Variants in GPN3 observed in about 807,000 individuals in gnomAD.
The protein encoded by GPN3 is GPN-loop GTPase 3, also known as ATP-binding domain 1 family member C.
A neutral mutation model predicts 38.7 loss-of-function variants in GPN3; 31 were observed. The observed-to-expected ratio is 0.80, with a 90% confidence interval of 0.60 to 1.08. The LOEUF is 1.08. GPN3 is among the 50% of genes least tolerant of loss of function. The probability of loss-of-function intolerance (pLI) is 0.00; values close to 1 mark genes in which losing one functional copy is unlikely to be tolerated. For synonymous variants in GPN3, 116 were observed against 120.2 expected (o/e 0.96, Z 0.23); for missense variants, 301 against 354.4 (o/e 0.85, Z 1.21).
At position 110,463,606 on chromosome 12, in the gene GPN3, C is replaced by CAA. The variant is rs60072879; in HGVS notation, c.157+1498_157+1499dup. ...GCAGCATGGTGAAACCCTGTCTCTACAAAAAAAAAAAAAAAAAAAAAAAAA... is the reference window on the plus strand; with the variant it reads ...GCAGCATGGTGAAACCCTGTCTCTACAAAAAAAAAAAAAAAAAAAAAAAAAAA... On this transcript the variant is annotated intron_variant, in intron 2 of 7. Coordinates refer to ENST00000228827, the MANE Select transcript of GPN3 (RefSeq NM_016301.4). Among the ~76,000 whole-genome samples, 212 of 64,288 alleles carry CAA rather than the reference C, an allele frequency of 3.3e-3. 14 individuals carry two copies. The highest frequency in any genetic ancestry group is 8.7e-3 in the African/African-American group (132 of 15,244). The allele number at this position is 64,288 out of a possible 152,430, so 42.2% of individuals were successfully genotyped here.
chr12:110,466,969 C>A (rs1182423671), intron 1 of GPN3, among the ~76,000 whole-genome samples: 2 of 151,828 alleles, frequency 1.3e-5, no homozygotes, highest in Non-Finnish European at 2.9e-5. Context: ...CACAACACCT[C>A]CACAGACTCT....
intron 3 of GPN3, among the ~76,000 whole-genome samples, chr12:110,459,054 G>C (rs1262467478): frequency 6.6e-6 from 1 of 152,084 alleles, no homozygotes; most frequent in African/African-American, 2.4e-5. Context: ...TCTGTGTGAT[G>C]ATCTGTGCTA....
At chr12:110,454,193 G>GTTAGT (rs1211250507) in intron 6 of GPN3, among the ~76,000 whole-genome samples, 4 of 152,122 alleles carry the variant, frequency 2.6e-5, no homozygotes, top group Non-Finnish European at 1.5e-5. Flanking sequence ...ATAATAAGAT[G>GTTAGT]TTAGTTTATT....
intron 1 of GPN3, among the ~76,000 whole-genome samples, chr12:110,466,960 A>G (rs1592969482): frequency 6.6e-6 from 1 of 151,636 alleles, no homozygotes; most frequent in African/African-American, 2.4e-5. Context: ...CTGAGGCCAC[A>G]CAACACCTCC....
chr12:110,455,463 T>C (rs2062543013), intron 6 of GPN3, 123 bp downstream of exon 6: 6 of 640,714 alleles, frequency 9.4e-6, no homozygotes, highest in Middle Eastern at 8.2e-4. Flanking sequence ...AGGGTGTCAC[T>C]ATGTTGCCCA....
At chr12:110,455,993 T>A in intron 4 of GPN3, 63 bp from the exon 5 acceptor site, 1 of 859,450 alleles carries the variant, frequency 1.2e-6, no homozygotes, top group Non-Finnish European at 2.0e-6. Flanking sequence ...CTGGTCTGCA[T>A]AAAGAGTCTT....
At chr12:110,463,031 C>T (rs1299242039) in intron 2 of GPN3, among the ~76,000 whole-genome samples, 5 of 152,218 alleles carry the variant, frequency 3.3e-5, no homozygotes, top group African/African-American at 4.8e-5. Flanking sequence ...GCTGGGATTA[C>T]AGGCGTGAGC....
chr12:110,468,475 A>C (rs1330153764), upstream of GPN3: 133 of 1,536,992 alleles, frequency 8.7e-5, no homozygotes, highest in Non-Finnish European at 1.1e-4. Context: ...TGGATACCTG[A>C]GTAATAACGG....
chr12:110,455,743 C>G, intron 5 of GPN3, 61 bp from the exon 6 acceptor site: 1 of 1,038,692 alleles, frequency 9.6e-7, no homozygotes, highest in Non-Finnish European at 1.5e-6. Flanking sequence ...AGCCAAACTT[C>G]CCATCTAAAT....
At chr12:110,462,530 G>A (rs1444956447) in intron 2 of GPN3, among the ~76,000 whole-genome samples, 1 of 152,164 alleles carries the variant, frequency 6.6e-6, no homozygotes, top group Non-Finnish European at 1.5e-5. Flanking sequence ...TCTCCACCGT[G>A]ACCACCCTAG....
chr12:110,468,187 T>C lies in GPN3; in HGVS notation c.17A>G (p.Gln6Arg). 6.2e-7 allele frequency: 1 copy of C among 1,610,880 alleles called. No homozygotes were observed. Among genetic ancestry groups the C allele is most frequent in the Non-Finnish European group, 8.5e-7 (1 of 1,179,980 alleles). ...GCTGCCCGCGGGGCCCATGACCAGC[T>C]GCGCATACCGAGGCATGTTGGCTCC... is the stretch of plus-strand genomic sequence containing the variant. The part of the protein sequence containing the change: MPRYA[Q>R]LVMGPAGSGK... The change falls in exon 1 of 8, where the codon CAG (glutamine) becomes CGG (arginine). Residue 6 changes from glutamine to arginine, a missense_variant. Coordinates refer to ENST00000228827, the MANE Select transcript of GPN3 (RefSeq NM_016301.4).
chr12:110,466,269 C>T (rs530093928), intron 1 of GPN3, among the ~76,000 whole-genome samples: 1 of 152,156 alleles, frequency 6.6e-6, no homozygotes, highest in African/African-American at 2.4e-5. Context: ...TTTGTGTGTG[C>T]ATGTTTTTTT....
intron 2 of GPN3, among the ~76,000 whole-genome samples, chr12:110,463,820 C>G (rs1299151755): frequency 2.0e-5 from 3 of 150,780 alleles, no homozygotes; most frequent in African/African-American, 7.3e-5. Context: ...TATCAAATGT[C>G]AATCCTTTCC....
chr12:110,456,281 A>C (rs1485485839), intron 4 of GPN3, among the ~76,000 whole-genome samples: 1 of 148,092 alleles, frequency 6.8e-6, no homozygotes, highest in Non-Finnish European at 1.5e-5. Context: ...GTGAGCCAAG[A>C]TTGCGCCACC....
In GPN3 at chr12:110,459,701, A is replaced by C. The variant is rs777872571; in HGVS notation, c.319T>G (p.Cys107Gly). 3 of 1,608,826 alleles carry C rather than the reference A, an allele frequency of 1.9e-6. No individual in the cohort carries two copies. Among genetic ancestry groups the C allele is most frequent in the African/African-American group, 2.7e-5 (2 of 74,846 alleles). The change falls in exon 3 of 8, where the codon TGT becomes GGT. Residue 107 changes from cysteine to glycine, a missense_variant. Coordinates refer to ENST00000228827, the MANE Select transcript of GPN3 (RefSeq NM_016301.4). The stretch of plus-strand genomic sequence containing the variant: ...ATTCAAATTGTTGATTCACCTGGAC[A>C]ATCAAAAAGGATATAGTCGTCCTCT... Reference protein sequence around the residue: ...HVEDDYILFDCPGQIELYTHL... With the variant: ...HVEDDYILFDGPGQIELYTHL...
intron 6 of GPN3, 44 bp downstream of exon 6, chr12:110,455,542 T>C (rs775312339): frequency 2.5e-6 from 2 of 792,360 alleles, no homozygotes; most frequent in Non-Finnish European, 4.4e-6. Flanking sequence ...TTACAGGCAT[T>C]AGCCACTGCA....
intron 3 of GPN3, among the ~76,000 whole-genome samples, 164 bp from the exon 4 acceptor site, chr12:110,457,798 C>T (rs118078809): frequency 1.3e-5 from 2 of 152,150 alleles, no homozygotes; most frequent in Admixed American, 6.5e-5. Flanking sequence ...GTACTGCCAC[C>T]ATAGGAATCC....
intron 2 of GPN3, among the ~76,000 whole-genome samples, chr12:110,462,720 T>C (rs1417440053): frequency 6.6e-6 from 1 of 151,890 alleles, no homozygotes; most frequent in Non-Finnish European, 1.5e-5. Context: ...CCAGAGTAGC[T>C]GGGATTACAG....
intron 3 of GPN3, 85 bp downstream of exon 3, chr12:110,459,610 T>C (rs996833369): frequency 2.0e-5 from 18 of 918,262 alleles, no homozygotes; most frequent in Non-Finnish European, 3.2e-5. Context: ...AGTTTAGAGC[T>C]ACAAATACTC....
Sources: gnomAD v4.1 joint callset for allele counts (sites outside exome capture counted in the v4.1 genomes callset) on GRCh38, gnomAD v4.1.1 for gene constraint, MANE v1.5 for transcripts, NCBI Gene and HGNC (gene_info 2026-07-23, HGNC 2026-07-21) for gene names.